Variants in GLIS3 observed in about 807,000 individuals in gnomAD.
GLIS3 encodes the protein GLIS family zinc finger 3, also known as zinc finger protein GLIS3.
A neutral mutation model predicts 78.6 loss-of-function variants in GLIS3; 53 were observed. The observed-to-expected ratio is 0.67, with a 90% CI of 0.54 to 0.85. The LOEUF (loss-of-function observed/expected upper bound fraction) is 0.85, where lower values mean the gene tolerates loss of function less well. Among genes scored for constraint, GLIS3 ranks in the 40% least tolerant of loss-of-function variants. The probability of loss-of-function intolerance (pLI) is 0.00; values close to 1 mark genes in which losing one functional copy is unlikely to be tolerated. For synonymous variants in GLIS3, 684 were observed against 509.9 expected, an observed-to-expected ratio of 1.34 and a Z score of -4.60; for missense variants, 1,703 against 1,231.1, an observed-to-expected ratio of 1.38 and a Z score of -5.74.
intron 7 of GLIS3, among the ~76,000 whole-genome samples, chr9:3,891,532 C>G (rs945481558): frequency 6.6e-6 from 1 of 152,058 alleles, no homozygotes; most frequent in Non-Finnish European, 1.5e-5. Context: ...TGTCTCTACA[C>G]AAAATAATTT....
intron 4 of GLIS3, among the ~76,000 whole-genome samples, chr9:4,032,945 C>A (rs1190480402): frequency 3.3e-5 from 5 of 152,122 alleles, no homozygotes; most frequent in African/African-American, 7.2e-5. Flanking sequence ...GCTCCGCCTC[C>A]CGGGTTCACA....
intron 4 of GLIS3, among the ~76,000 whole-genome samples, chr9:3,952,906 T>C (rs899165886): frequency 6.6e-6 from 1 of 152,176 alleles, no homozygotes; most frequent in Non-Finnish European, 1.5e-5. Context: ...AGCAAGGTCC[T>C]GGGGGAGCTA....
At chr9:3,885,585 G>T (rs1822022636) in intron 7 of GLIS3, among the ~76,000 whole-genome samples, 1 of 152,166 alleles carries the variant, frequency 6.6e-6, no homozygotes, top group South Asian at 2.1e-4. Context: ...CATCTCTTGG[G>T]CAGTATTTCC....
At chr9:4,087,262 T>C (rs954089663) in intron 4 of GLIS3, among the ~76,000 whole-genome samples, 2 of 152,180 alleles carry the variant, frequency 1.3e-5, no homozygotes, top group African/African-American at 4.8e-5. Flanking sequence ...TTTCATCCCT[T>C]ATTTAGGCCA....
intron 2 of GLIS3, among the ~76,000 whole-genome samples, chr9:4,156,960 A>C (rs945875334): frequency 3.3e-5 from 5 of 152,234 alleles, no homozygotes; most frequent in African/African-American, 9.6e-5. Context: ...ACCGAATCAG[A>C]AACCTGGGGG....
At position 3,937,070 on chromosome 9, in the gene GLIS3, G is replaced by A; in HGVS notation, c.1830C>T (p.Asn610=). 5 of 1,613,680 alleles carry A rather than the reference G, an allele frequency of 3.1e-6. No homozygotes were observed. The highest frequency in any genetic ancestry group is 4.2e-6 in the Non-Finnish European group (5 of 1,180,026). Reference sequence around the variant, plus strand: ...GCTGGTGTTTGGCGCGGTCACTGGAGTTACTGAAGGCCTTCTGACAACCCG... The same window carrying A: ...GCTGGTGTTTGGCGCGGTCACTGGAATTACTGAAGGCCTTCTGACAACCCG... The part of the protein sequence containing the change: ...QHPGCQKAFS[N]SSDRAKHQRT... Residue 610 remains asparagine (N), a synonymous_variant, in exon 5 of 11, where the codon AAC becomes AAT. Transcript: ENST00000381971.
intron 2 of GLIS3, among the ~76,000 whole-genome samples, chr9:4,223,965 A>C (rs1390204899): frequency 6.6e-6 from 1 of 152,060 alleles, no homozygotes; most frequent in Non-Finnish European, 1.5e-5. Flanking sequence ...AATGCCATCA[A>C]ATTCAACAGC....
intron 2 of GLIS3, among the ~76,000 whole-genome samples, chr9:4,141,020 G>A (rs1239120204): frequency 5.9e-5 from 9 of 152,130 alleles, no homozygotes; most frequent in Admixed American, 6.5e-5. Flanking sequence ...GGCTGGTCTC[G>A]AACTCCTCAC....
At chr9:3,868,943 T>C (rs547951834) in intron 8 of GLIS3, among the ~76,000 whole-genome samples, 1 of 152,352 alleles carries the variant, frequency 6.6e-6, no homozygotes, top group South Asian at 2.1e-4. Context: ...TTTTGGGTTA[T>C]GTGCTCTTTC....
chr9:4,159,597 T>C (rs1181680071), intron 2 of GLIS3, among the ~76,000 whole-genome samples: 1 of 152,120 alleles, frequency 6.6e-6, no homozygotes, highest in Non-Finnish European at 1.5e-5. Flanking sequence ...CACATGCCTG[T>C]AATTCCAGCT....
chr9:4,085,819 C>T (rs1485250396), intron 4 of GLIS3, among the ~76,000 whole-genome samples: 2 of 152,176 alleles, frequency 1.3e-5, no homozygotes, highest in Non-Finnish European at 2.9e-5. Context: ...GTTCATGTCG[C>T]CTGCTTCCCC....
At chr9:4,180,178 G>A (rs145780073) in intron 2 of GLIS3, among the ~76,000 whole-genome samples, 4 of 152,078 alleles carry the variant, frequency 2.6e-5, no homozygotes, top group Non-Finnish European at 4.4e-5. Context: ...GTTTCAGGCG[G>A]TCCATGCACA....
chr9:3,947,050 C>A (rs1449245430), intron 4 of GLIS3, among the ~76,000 whole-genome samples: 1 of 151,784 alleles, frequency 6.6e-6, no homozygotes, highest in African/African-American at 2.4e-5. Context: ...CTACAGCCAA[C>A]CTCTCAGAAT....
At chr9:4,450,677 G>C in the GLIS3 span, among the ~76,000 whole-genome samples, 14 of 152,310 alleles carry the variant, frequency 9.2e-5, no homozygotes, top group East Asian at 2.5e-3. Context: ...AGCCAAAAGA[G>C]AGTGGGGGCC....
chr9:4,378,006 T>A, the GLIS3 span, among the ~76,000 whole-genome samples: 2 of 152,170 alleles, frequency 1.3e-5, no homozygotes, highest in African/African-American at 4.8e-5. Flanking sequence ...CAGTAAAACT[T>A]ATGTGTATGA....
chr9:4,387,649 A>G, the GLIS3 span, among the ~76,000 whole-genome samples: 6 of 152,210 alleles, frequency 3.9e-5, no homozygotes, highest in Non-Finnish European at 7.3e-5. Flanking sequence ...CTAAAATTAA[A>G]TAGATCAAAG....
chr9:4,160,003 A>G (rs1205151211), intron 2 of GLIS3, among the ~76,000 whole-genome samples: 2 of 152,202 alleles, frequency 1.3e-5, no homozygotes, highest in Non-Finnish European at 2.9e-5. Flanking sequence ...GATCATCATC[A>G]CCATTATTAT....
At chr9:4,145,656 C>T (rs930308719) in intron 2 of GLIS3, among the ~76,000 whole-genome samples, 1 of 152,118 alleles carries the variant, frequency 6.6e-6, no homozygotes, top group Admixed American at 6.5e-5. Context: ...TCAGTGCCCT[C>T]TGTCAGAGGG....
intron 4 of GLIS3, among the ~76,000 whole-genome samples, chr9:4,093,522 T>C (rs1366931653): frequency 6.6e-6 from 1 of 152,226 alleles, no homozygotes; most frequent in Non-Finnish European, 1.5e-5. Flanking sequence ...CTCAGGGTGC[T>C]GGCCCTAAAT....
Sources: allele counts gnomAD v4.1 joint callset (sites outside exome capture counted in the v4.1 genomes callset), GRCh38; gene constraint gnomAD v4.1.1; transcripts MANE v1.5; gene names NCBI Gene and HGNC (gene_info 2026-07-23, HGNC 2026-07-21).